Variants in HSF2BP observed in about 807,000 individuals in gnomAD.
HSF2BP encodes heat shock transcription factor 2 binding protein, also known as heat shock factor 2-binding protein.
A neutral mutation model predicts 35.0 loss-of-function variants in HSF2BP; 35 were observed. The observed-to-expected ratio is 1.00, with a 90% CI of 0.76 to 1.32. The LOEUF is 1.32. Ranked by LOEUF, HSF2BP falls within the 40% of genes most tolerant of loss-of-function variation. The pLI, the probability that HSF2BP is intolerant of heterozygous loss-of-function variation, is 0.00. For synonymous variants in HSF2BP, 114 were observed against 117.4 expected (o/e 0.97, Z 0.18); for missense variants, 326 against 321.7 (o/e 1.01, Z -0.10).
intron 7 of HSF2BP, among the ~76,000 whole-genome samples, chr21:43,602,335 A>T (rs1379112356): frequency 3.3e-5 from 5 of 152,258 alleles, no homozygotes; most frequent in Admixed American, 3.3e-4. Context: ...ATTCTTTGGA[A>T]AACGGGAGCT....
chr21:43,575,337 C>T (rs1034026134), intron 8 of HSF2BP, among the ~76,000 whole-genome samples: 49 of 152,184 alleles, frequency 3.2e-4, no homozygotes, highest in African/African-American at 1.0e-3. Flanking sequence ...TGCACATCTC[C>T]GTGGAAAAAT....
At chr21:43,616,702 G>C (rs2082275218) in intron 6 of HSF2BP, among the ~76,000 whole-genome samples, 1 of 152,200 alleles carries the variant, frequency 6.6e-6, no homozygotes, top group African/African-American at 2.4e-5. Context: ...GGGAGGCCGA[G>C]GTGGGCGGAT....
At chr21:43,573,991 G>A (rs1251301077) in intron 8 of HSF2BP, among the ~76,000 whole-genome samples, 2 of 152,166 alleles carry the variant, frequency 1.3e-5, no homozygotes, top group African/African-American at 2.4e-5. Flanking sequence ...AGACAGCCTC[G>A]AGGCCAAGCC....
intron 4 of HSF2BP, among the ~76,000 whole-genome samples, chr21:43,641,074 G>C (rs1009507036): frequency 8.5e-5 from 13 of 152,076 alleles, no homozygotes; most frequent in African/African-American, 1.2e-4. Context: ...CTCACTGCAA[G>C]CTCCGCCTCC....
At chr21:43,604,288 A>C (rs2082087999) in intron 7 of HSF2BP, among the ~76,000 whole-genome samples, 1 of 147,804 alleles carries the variant, frequency 6.8e-6, no homozygotes, top group African/African-American at 2.5e-5. Flanking sequence ...CACACATCAC[A>C]CACACCACAC....
intron 6 of HSF2BP, among the ~76,000 whole-genome samples, chr21:43,624,952 A>AGCAGATGTTACTATTCCACCTT (rs1319176783): frequency 1.3e-5 from 2 of 152,192 alleles, no homozygotes; most frequent in Non-Finnish European, 1.5e-5. Context: ...AAGTAATAAG[A>AGCAGATGTTACTATTCCACCTT]GCAGATGTTA....
chr21:43,640,929 A>G (rs1330351699), intron 4 of HSF2BP, among the ~76,000 whole-genome samples: 2 of 152,246 alleles, frequency 1.3e-5, no homozygotes, highest in Admixed American at 6.5e-5. Context: ...AAACCCTGAT[A>G]TATTTTCCTG....
At chr21:43,657,979 C>T (rs2082900993) in intron 2 of HSF2BP, 82 bp downstream of exon 2, 4 of 1,529,596 alleles carry the variant, frequency 2.6e-6, no homozygotes, top group Admixed American at 4.0e-5. Context: ...GAGCCGTCTC[C>T]GAGCGCACGG....
intron 6 of HSF2BP, among the ~76,000 whole-genome samples, chr21:43,623,004 C>T (rs2082348456): frequency 6.6e-6 from 1 of 150,890 alleles, no homozygotes; most frequent in Non-Finnish European, 1.5e-5. Flanking sequence ...AGGATCTTGC[C>T]ATGTGCCCAG....
At chr21:43,617,478 T>G (rs1350448190) in intron 6 of HSF2BP, among the ~76,000 whole-genome samples, 1 of 150,584 alleles carries the variant, frequency 6.6e-6, no homozygotes, top group Non-Finnish European at 1.5e-5. Context: ...CTTTGCTTAC[T>G]GATATTTAAT....
In HSF2BP at chr21:43,654,406, C is replaced by T. The variant is rs146298558; in HGVS notation, c.187+2181G>A. On this transcript the variant is annotated intron_variant, in intron 3 of 8. Transcript: ENST00000291560. ...CGTTGTAGTTTTCAAGGAAACGGGA[C>T]CTGGGTCCGCTTCGCAGTCAGACTT... Among the ~76,000 whole-genome samples the T allele has an allele frequency of 2.0e-5, 3 of 152,340 alleles. No homozygotes were observed. The East Asian group carries it at 5.8e-4, about 29-fold the overall frequency.
chr21:43,652,837 T>C (rs1051895659), intron 3 of HSF2BP, among the ~76,000 whole-genome samples: 1 of 151,924 alleles, frequency 6.6e-6, no homozygotes, highest in African/African-American at 2.4e-5. Flanking sequence ...GACTGCAAAC[T>C]AGAAAGAAGG....
chr21:43,657,055 C>T (rs2082880119), intron 2 of HSF2BP, among the ~76,000 whole-genome samples: 1 of 152,174 alleles, frequency 6.6e-6, no homozygotes, highest in Admixed American at 6.5e-5. Flanking sequence ...TGGAGAGACC[C>T]TGTCACTACA....
intron 7 of HSF2BP, among the ~76,000 whole-genome samples, chr21:43,604,207 C>A (rs977208328): frequency 5.3e-4 from 80 of 151,614 alleles, no homozygotes; most frequent in African/African-American, 1.9e-3. Flanking sequence ...TACACACACA[C>A]ACCACAGCAC....
intron 7 of HSF2BP, among the ~76,000 whole-genome samples, chr21:43,606,198 G>T (rs2082133359): frequency 6.6e-6 from 1 of 152,242 alleles, no homozygotes; most frequent in South Asian, 2.1e-4. Flanking sequence ...ATGAGTGGGA[G>T]CTGAGAAAGG....
intron 4 of HSF2BP, among the ~76,000 whole-genome samples, chr21:43,633,746 C>T (rs2082515425): frequency 6.6e-6 from 1 of 152,120 alleles, no homozygotes; most frequent in East Asian, 1.9e-4. Context: ...CAGCACCAAC[C>T]GAGGCTTCTG....
At chr21:43,626,507 GAAGAT>G (rs1351665625) in intron 6 of HSF2BP, among the ~76,000 whole-genome samples, 1 of 152,202 alleles carries the variant, frequency 6.6e-6, no homozygotes, top group East Asian at 1.9e-4. Flanking sequence ...CCAAACTGCT[GAAGAT>G]AAGACTTCCT....
the HSF2BP span, among the ~76,000 whole-genome samples, chr21:43,458,167 G>A: frequency 3.4e-5 from 3 of 87,066 alleles, 1 homozygote; most frequent in Admixed American, 3.1e-4. Flanking sequence ...AGCCATCCAC[G>A]CTCAGGGAGG....
chr21:43,591,293 T>C (rs973810122), intron 8 of HSF2BP, among the ~76,000 whole-genome samples: 2 of 152,216 alleles, frequency 1.3e-5, no homozygotes, highest in Admixed American at 1.3e-4. Flanking sequence ...TGTGTACTTC[T>C]CTTCATAGCT....
Sources: allele counts gnomAD v4.1 joint callset (sites outside exome capture counted in the v4.1 genomes callset), GRCh38; gene constraint gnomAD v4.1.1; transcripts MANE v1.5; gene names NCBI Gene and HGNC (gene_info 2026-07-23, HGNC 2026-07-21).